Variants in CNDP1 observed in about 807,000 individuals in gnomAD.
CNDP1 encodes beta-Ala-His dipeptidase.
Under a neutral mutation model 58.1 loss-of-function variants are expected in CNDP1, and 44 were observed. The observed-to-expected ratio is 0.76, with a 90% CI of 0.60 to 0.97. The LOEUF is 0.97. Ranked by LOEUF, CNDP1 falls within the 50% of genes least tolerant of loss-of-function variation. The pLI is 0.00. For missense variants in CNDP1, 616 were observed against 655.1 expected (o/e 0.94, Z 0.65); for synonymous variants, 254 against 252.6 (o/e 1.01, Z -0.05).
chr18:74,555,357 C>A (rs1981010661), intron 1 of CNDP1, among the ~76,000 whole-genome samples: 1 of 152,106 alleles, frequency 6.6e-6, no homozygotes, highest in Non-Finnish European at 1.5e-5. Context: ...GGCTGCAGCC[C>A]CCTTGGCCCT....
chr18:74,557,512 C>T (rs940837012), intron 2 of CNDP1, among the ~76,000 whole-genome samples: 6 of 152,018 alleles, frequency 3.9e-5, no homozygotes, highest in South Asian at 2.1e-4. Flanking sequence ...AGGAGCTTGC[C>T]GGAGCCCACA....
intron 5 of CNDP1, among the ~76,000 whole-genome samples, chr18:74,562,472 C>A (rs1981227241): frequency 6.6e-6 from 1 of 152,146 alleles, no homozygotes; most frequent in South Asian, 2.1e-4. Context: ...GTCTTTTTTT[C>A]TTTAATCCTT....
intron 7 of CNDP1, among the ~76,000 whole-genome samples, chr18:74,572,144 G>A (rs556497259): frequency 4.6e-5 from 7 of 152,158 alleles, no homozygotes; most frequent in Non-Finnish European, 1.0e-4. Flanking sequence ...CAGCGACGCC[G>A]ACGAGTTCCC....
intron 3 of CNDP1, among the ~76,000 whole-genome samples, 166 bp from the exon 4 acceptor site, chr18:74,560,690 A>T (rs923620545): frequency 1.5e-4 from 23 of 152,084 alleles, no homozygotes; most frequent in African/African-American, 5.3e-4. Flanking sequence ...TCTCCAAAAG[A>T]AAAGAAAAAA....
chr18:74,538,182 C>G (rs1980529755), intron 1 of CNDP1, among the ~76,000 whole-genome samples: 1 of 152,180 alleles, frequency 6.6e-6, no homozygotes, highest in Non-Finnish European at 1.5e-5. Context: ...TAGCTATGAC[C>G]CTCCTATTCG....
intron 3 of CNDP1, among the ~76,000 whole-genome samples, 171 bp from the exon 4 acceptor site, chr18:74,560,684 CA>C (rs946486329): frequency 6.7e-6 from 1 of 149,718 alleles, no homozygotes; most frequent in African/African-American, 2.5e-5. Context: ...GACCTGTCTC[CA>C]AAAGAAAAGA....
In CNDP1 at chr18:74,584,691, A is replaced by T; in HGVS notation, c.*129A>T. 1.4e-6 allele frequency: 1 copy of T among 700,992 alleles called. No individual in the cohort carries two copies. The highest frequency in any genetic ancestry group is 2.5e-6 in the Non-Finnish European group (1 of 395,846). The allele number at this position is 700,992 out of a possible 1,614,324, so 43.4% of individuals were successfully genotyped here. A position where few individuals can be genotyped will look rare whatever the true frequency, so the allele number is the denominator to read the frequency against. ...TAGTACATTTTCCCTTCCATTTAAAATGTCTTGGGATATCTGGATCAGTAA... is the reference window on the plus strand; with the variant it reads ...TAGTACATTTTCCCTTCCATTTAAATTGTCTTGGGATATCTGGATCAGTAA... On this transcript the variant is annotated 3_prime_UTR_variant, in exon 12 of 12. Coordinates refer to ENST00000358821, the MANE Select transcript of CNDP1 (RefSeq NM_032649.6).
At chr18:74,573,141 CATCT>C (rs1043804118) in intron 7 of CNDP1, among the ~76,000 whole-genome samples, 24 of 152,004 alleles carry the variant, frequency 1.6e-4, no homozygotes, top group African/African-American at 2.4e-4. Flanking sequence ...TCCATCCATC[CATCT>C]ATTATCTATC....
chr18:74,552,851 C>A (rs1367167455), intron 1 of CNDP1, among the ~76,000 whole-genome samples: 1 of 152,202 alleles, frequency 6.6e-6, no homozygotes, highest in Admixed American at 6.5e-5. Flanking sequence ...GATCAAGGAA[C>A]TTTCCGACTG....
At chr18:74,549,661 C>T (rs990493910) in intron 1 of CNDP1, among the ~76,000 whole-genome samples, 12 of 152,114 alleles carry the variant, frequency 7.9e-5, no homozygotes, top group Admixed American at 2.0e-4. Flanking sequence ...GAGAGACTTG[C>T]GTGACTAAAA....
rs950661303 is a variant in CNDP1, at chr18:74,539,376, C to T, written c.24+4685C>T. Among the ~76,000 whole-genome samples, 12 of 152,326 alleles carry T rather than the reference C, an allele frequency of 7.9e-5. No individual in the cohort carries two copies. The East Asian group carries it at 1.4e-3, about 17-fold the overall frequency. ...TCCACTTCTCCTGCACACTGTCTCA[C>T]GAAGGGTCTGAGGATGCAGGACTGC... On this transcript the variant is annotated intron_variant, in intron 1 of 11. Transcript: ENST00000358821.
At position 74,571,264 on chromosome 18, in the gene CNDP1, C is replaced by G; in HGVS notation, c.835C>G (p.Leu279Val). 1 of 1,607,886 alleles carries G rather than the reference C, an allele frequency of 6.2e-7. No individual in the cohort carries two copies. Among genetic ancestry groups the G allele is most frequent in the Non-Finnish European group, 8.5e-7 (1 of 1,174,398 alleles). ...LHEPMADLVA[L>V]LGSLVDSSGH... ...TGAACCAATGGCTGATCTGGTTGCT[C>G]TTCTCGGTAATGCCTTATTTTGTTT... Residue 279 changes from leucine to valine, a missense_variant, in exon 7 of 12, where the codon CTT becomes GTT. Transcript: ENST00000358821.
intron 1 of CNDP1, among the ~76,000 whole-genome samples, chr18:74,538,824 C>A (rs910509923): frequency 6.6e-6 from 1 of 152,164 alleles, no homozygotes; most frequent in Non-Finnish European, 1.5e-5. Flanking sequence ...GCCAAAAGAT[C>A]TACCATTTTA....
intron 9 of CNDP1, among the ~76,000 whole-genome samples, chr18:74,579,027 T>C (rs1403359482): frequency 6.6e-6 from 1 of 152,046 alleles, no homozygotes; most frequent in Non-Finnish European, 1.5e-5. Flanking sequence ...CATCCCATTA[T>C]CCCCCTTTAT....
rs1981879019 is a variant in CNDP1 at position 74,585,101 on chromosome 18, T to C, written c.*539T>C. 1 of 152,392 alleles carries C rather than the reference T, an allele frequency of 6.6e-6. No individual in the cohort carries two copies. The highest frequency in any genetic ancestry group is 6.5e-5 in the Admixed American group (1 of 15,300). 9.4% of individuals were successfully genotyped at this position (152,392 alleles called of 1,614,324 possible). A position where few individuals can be genotyped will look rare whatever the true frequency, so the allele number is the denominator to read the frequency against. Reference sequence around the variant, plus strand: ...TATTAACCTCTTGCCTCCCCTTCATTTATTTTTTCCCACTTCTTGAAAAGT... The same window carrying C: ...TATTAACCTCTTGCCTCCCCTTCATCTATTTTTTCCCACTTCTTGAAAAGT... On this transcript the variant is annotated 3_prime_UTR_variant, in exon 12 of 12. Coordinates refer to ENST00000358821, the MANE Select transcript of CNDP1 (RefSeq NM_032649.6).
At chr18:74,577,968 G>A in intron 8 of CNDP1, 195 bp from the exon 9 acceptor site, 1 of 513,766 alleles carries the variant, frequency 1.9e-6, no homozygotes, top group Non-Finnish European at 3.5e-6. Flanking sequence ...TGGTAGTGAT[G>A]GGTAGTGAAG....
Position 74,566,638 on chromosome 18 carries a change from C to A in CNDP1, c.556-595C>A, listed in dbSNP as rs896684677. Among the ~76,000 whole-genome samples the A allele has an allele frequency of 7.2e-5, 11 of 152,350 alleles. No individual in the cohort carries two copies. In the East Asian group the frequency reaches 1.7e-3, roughly 24 times the overall value. ...AGTTCCACATCTCTACCTGAGGCCA[C>A]CTCAGCCTGGATTTTATTGTCCATA... On this transcript the variant is annotated intron_variant, in intron 5 of 11. Transcript: ENST00000358821.
intron 9 of CNDP1, among the ~76,000 whole-genome samples, 156 bp downstream of exon 9, chr18:74,578,483 C>G (rs1201538882): frequency 6.6e-6 from 1 of 152,032 alleles, no homozygotes; most frequent in Admixed American, 6.6e-5. Context: ...CCAATATTGC[C>G]CAGTGCAGTG....
At chr18:74,582,210 G>A (rs1009907695) in intron 10 of CNDP1, among the ~76,000 whole-genome samples, 6 of 152,144 alleles carry the variant, frequency 3.9e-5, no homozygotes, top group Non-Finnish European at 7.4e-5. Flanking sequence ...GACACCTTTC[G>A]GTCTATTTGT....
Sources: gnomAD v4.1 joint callset for allele counts (sites outside exome capture counted in the v4.1 genomes callset) on GRCh38, gnomAD v4.1.1 for gene constraint, MANE v1.5 for transcripts, NCBI Gene and HGNC (gene_info 2026-07-23, HGNC 2026-07-21) for gene names.